Variants in ACCSL observed in about 807,000 individuals in gnomAD.
The protein encoded by ACCSL is probable inactive 1-aminocyclopropane-1-carboxylate synthase-like protein 2.
A neutral mutation model predicts 61.7 loss-of-function variants in ACCSL; 55 were observed. The observed-to-expected ratio is 0.89, with a 90% CI of 0.72 to 1.12. The LOEUF is 1.12. Ranked by LOEUF, ACCSL falls within the 50% of genes most tolerant of loss-of-function variation. The pLI, the probability that ACCSL is intolerant of heterozygous loss-of-function variation, is 0.00. For synonymous variants in ACCSL, 258 were observed against 264.3 expected, an observed-to-expected ratio of 0.98 and a Z score of 0.23; for missense variants, 632 against 698.0, an observed-to-expected ratio of 0.91 and a Z score of 1.07.
At chr11:43,931,045 G>A in the ACCSL span, among the ~76,000 whole-genome samples, 1 of 152,222 alleles carries the variant, frequency 6.6e-6, no homozygotes, top group Non-Finnish European at 1.5e-5. Context: ...CTGGCAGGCT[G>A]TAGTTCTGTT....
At chr11:43,940,899 G>A in the ACCSL span, among the ~76,000 whole-genome samples, 1 of 152,196 alleles carries the variant, frequency 6.6e-6, no homozygotes, top group African/African-American at 2.4e-5. Context: ...CTGCAGTGTA[G>A]TGGCTCAGGA....
the ACCSL span, among the ~76,000 whole-genome samples, chr11:43,953,253 A>G: frequency 1.3e-5 from 2 of 152,118 alleles, no homozygotes; most frequent in South Asian, 2.1e-4. Context: ...GGTGGCTCAC[A>G]CCTGTAATCC....
upstream of ACCSL, among the ~76,000 whole-genome samples, chr11:44,047,718 G>A (rs1237279404): frequency 1.3e-5 from 2 of 152,172 alleles, no homozygotes; most frequent in East Asian, 1.9e-4. Flanking sequence ...GTTGAAGAAC[G>A]GGGTGGAAAA....
At chr11:44,030,125 A>T in the ACCSL span, among the ~76,000 whole-genome samples, 1 of 112,814 alleles carries the variant, frequency 8.9e-6, no homozygotes, top group Non-Finnish European at 1.7e-5. Context: ...GCTTAGTGAC[A>T]GTGGTGACCT....
At chr11:43,968,366 C>A in the ACCSL span, among the ~76,000 whole-genome samples, 1 of 152,040 alleles carries the variant, frequency 6.6e-6, no homozygotes, top group East Asian at 1.9e-4. Context: ...AGCCCTTTGC[C>A]CCCCAACCCC....
chr11:43,964,948 C>T, the ACCSL span, among the ~76,000 whole-genome samples: 3 of 152,124 alleles, frequency 2.0e-5, no homozygotes, highest in African/African-American at 7.2e-5. Flanking sequence ...CTTCCTCAAC[C>T]AGGTAAAGGA....
the ACCSL span, among the ~76,000 whole-genome samples, chr11:44,027,453 A>G: frequency 2.0e-4 from 30 of 152,240 alleles, no homozygotes; most frequent in Non-Finnish European, 4.1e-4. Flanking sequence ...TAAATGTTCC[A>G]ATAAAGGACC....
At chr11:43,996,944 C>T in the ACCSL span, among the ~76,000 whole-genome samples, 1 of 151,990 alleles carries the variant, frequency 6.6e-6, no homozygotes, top group African/African-American at 2.4e-5. Flanking sequence ...TCCCAAATAG[C>T]TGGGATTACA....
chr11:43,929,963 G>A, the ACCSL span, among the ~76,000 whole-genome samples: 2 of 152,226 alleles, frequency 1.3e-5, no homozygotes, highest in Non-Finnish European at 2.9e-5. Context: ...CTGAGGAGGA[G>A]GGTGGAAGGG....
the ACCSL span, among the ~76,000 whole-genome samples, chr11:43,998,896 A>C: frequency 3.3e-5 from 5 of 152,178 alleles, no homozygotes; most frequent in African/African-American, 1.2e-4. Flanking sequence ...AGTAGCTGAG[A>C]CTACAGGCAT....
At chr11:43,987,824 G>A in the ACCSL span, among the ~76,000 whole-genome samples, 33 of 152,210 alleles carry the variant, frequency 2.2e-4, no homozygotes, top group African/African-American at 7.5e-4. Context: ...GTGGAATCCC[G>A]ACAGAAGTTG....
At chr11:44,029,922 G>A in the ACCSL span, among the ~76,000 whole-genome samples, 1 of 151,630 alleles carries the variant, frequency 6.6e-6, no homozygotes, top group South Asian at 2.1e-4. Context: ...TGACTCCATT[G>A]ACTTGGGTTC....
chr11:44,047,023 A>C (rs184322330), upstream of ACCSL, among the ~76,000 whole-genome samples: 49 of 152,282 alleles, frequency 3.2e-4, no homozygotes, highest in Non-Finnish European at 6.3e-4. Context: ...TCCCTCCAAA[A>C]AAAAACAAAA....
At chr11:44,006,785 A>T in the ACCSL span, among the ~76,000 whole-genome samples, 2 of 152,140 alleles carry the variant, frequency 1.3e-5, no homozygotes, top group African/African-American at 4.8e-5. Context: ...GAATACAGGC[A>T]TTAGCTACCA....
chr11:44,053,665 C>T (rs991512584), intron 8 of ACCSL, among the ~76,000 whole-genome samples, 159 bp downstream of exon 8: 4 of 152,130 alleles, frequency 2.6e-5, no homozygotes, highest in African/African-American at 9.7e-5. Context: ...AGTTCGAGAC[C>T]AGCATGGCCA....
chr11:43,963,329 C>A, the ACCSL span, among the ~76,000 whole-genome samples: 4 of 152,234 alleles, frequency 2.6e-5, no homozygotes, highest in Non-Finnish European at 2.9e-5. Flanking sequence ...GCCCACCCAA[C>A]TCTGTGCCTT....
chr11:43,970,948 A>G, the ACCSL span, among the ~76,000 whole-genome samples: 1 of 152,216 alleles, frequency 6.6e-6, no homozygotes, highest in African/African-American at 2.4e-5. Flanking sequence ...AGAATGAATG[A>G]ACCCTTCTAT....
chr11:43,984,932 G>A, the ACCSL span, among the ~76,000 whole-genome samples: 1 of 152,270 alleles, frequency 6.6e-6, no homozygotes, highest in Middle Eastern at 3.2e-3. Context: ...CTGGGCAGGG[G>A]CAGTATGCCA....
chr11:44,046,698 G>T (rs1006188572), upstream of ACCSL, among the ~76,000 whole-genome samples: 6 of 151,960 alleles, frequency 3.9e-5, no homozygotes, highest in Non-Finnish European at 7.4e-5. Flanking sequence ...TGTTACTTAG[G>T]GGGAAAAACT....
Sources: allele counts gnomAD v4.1 joint callset (sites outside exome capture counted in the v4.1 genomes callset), GRCh38; gene constraint gnomAD v4.1.1; transcripts MANE v1.5; gene names NCBI Gene and HGNC (gene_info 2026-07-23, HGNC 2026-07-21).